GRM1: variants seen among roughly 807,000 people sequenced by gnomAD.
GRM1 encodes metabotropic glutamate receptor 1.
A neutral mutation model predicts 90.9 loss-of-function variants in GRM1; 33 were observed. That is an observed-to-expected ratio of 0.36 (90% CI 0.28 to 0.49). The LOEUF (loss-of-function observed/expected upper bound fraction) is 0.49, where lower values mean the gene tolerates loss of function less well. GRM1 is among the 20% of genes least tolerant of loss of function. The probability of loss-of-function intolerance (pLI) is 0.99; values close to 1 mark genes in which losing one functional copy is unlikely to be tolerated. For synonymous variants in GRM1, 700 were observed against 613.2 expected (o/e 1.14, Z -2.09); for missense variants, 1,190 against 1,534.3 (o/e 0.78, Z 3.75).
At chr6:146,258,558 T>G (rs1363207062) in intron 2 of GRM1, among the ~76,000 whole-genome samples, 2 of 152,102 alleles carry the variant, frequency 1.3e-5, no homozygotes, top group African/African-American at 4.8e-5. Flanking sequence ...CTTGCTCTGT[T>G]GCCCAGGCTG....
At chr6:146,146,865 C>G (rs971708849) in intron 1 of GRM1, among the ~76,000 whole-genome samples, 6 of 152,130 alleles carry the variant, frequency 3.9e-5, no homozygotes, top group African/African-American at 1.4e-4. Flanking sequence ...ATAAATTACC[C>G]AGTTTCTGGT....
At chr6:146,191,219 T>A (rs891669719) in intron 2 of GRM1, among the ~76,000 whole-genome samples, 9 of 152,138 alleles carry the variant, frequency 5.9e-5, no homozygotes, top group African/African-American at 2.2e-4. Context: ...TTCAGTGTCT[T>A]CTCTGTCATG....
In GRM1 at chr6:146,029,437, C is replaced by T. The variant is rs1044939713; in HGVS notation, c.-81C>T. 8.8e-7 allele frequency: 1 copy of T among 1,138,462 alleles called. No individual in the cohort carries two copies. Among genetic ancestry groups the T allele is most frequent in the Non-Finnish European group, 1.3e-6 (1 of 748,096 alleles). The allele number at this position is 1,138,462 out of a possible 1,614,324, so 70.5% of individuals were successfully genotyped here. On this transcript the variant is annotated 5_prime_UTR_variant, in exon 1 of 8. Coordinates refer to ENST00000282753, the MANE Select transcript of GRM1 (RefSeq NM_001278064.2). ...CTCCGGGAGAGGCGGCGCTGGGCGT[C>T]TTGGGGGTGCGCGCCGGGAGCCTGC... is the stretch of plus-strand genomic sequence containing the variant.
chr6:146,212,662 A>G (rs1779720099), intron 2 of GRM1, among the ~76,000 whole-genome samples: 1 of 152,208 alleles, frequency 6.6e-6, no homozygotes, highest in Non-Finnish European at 1.5e-5. Flanking sequence ...ATTTTTAAAA[A>G]TGTATAAAAT....
chr6:146,272,035 T>G (rs1024932519), intron 2 of GRM1, among the ~76,000 whole-genome samples: 1 of 152,226 alleles, frequency 6.6e-6, no homozygotes, highest in Non-Finnish European at 1.5e-5. Flanking sequence ...ATCAGTGTTT[T>G]CAGTGTTCCA....
intron 2 of GRM1, among the ~76,000 whole-genome samples, chr6:146,205,777 A>G (rs1183878313): frequency 7.2e-5 from 11 of 152,182 alleles, no homozygotes; most frequent in Admixed American, 7.2e-4. Context: ...GCAAGCTGAG[A>G]GCACTTTGCA....
At chr6:146,328,365 C>T (rs935091328) in intron 3 of GRM1, among the ~76,000 whole-genome samples, 6 of 152,174 alleles carry the variant, frequency 3.9e-5, no homozygotes, top group Non-Finnish European at 7.4e-5. Context: ...ACTGTTGTCA[C>T]TGACCTAGGT....
At chr6:146,077,477 A>G (rs1322092630) in intron 1 of GRM1, among the ~76,000 whole-genome samples, 1 of 152,124 alleles carries the variant, frequency 6.6e-6, no homozygotes, top group Admixed American at 6.5e-5. Context: ...CACTCAGGAG[A>G]CAGACATTTT....
At position 146,434,793 on chromosome 6, in the gene GRM1, G is replaced by A. The variant is rs1366043906; in HGVS notation, c.3582G>A (p.Leu1194=). 1.3e-6 allele frequency: 2 copies of A among 1,594,776 alleles called. No homozygotes were observed. The highest frequency in any genetic ancestry group is 3.3e-5 in the Admixed American group (2 of 60,018). Residue 1194 remains leucine, a synonymous_variant, in exon 8 of 8, where the codon CTG becomes CTA. Coordinates refer to ENST00000282753, the MANE Select transcript of GRM1 (RefSeq NM_001278064.2). Reference sequence around the variant, plus strand: ...ACTACAAGCAAAGCTCTTCCACCCTGTAAGGGGGAAGGGTCCACATAGAAA... The same window carrying A: ...ACTACAAGCAAAGCTCTTCCACCCTATAAGGGGGAAGGGTCCACATAGAAA... ...LRDYKQSSST[L]
In GRM1 at chr6:146,394,866, G is replaced by A. The variant is rs362925; in HGVS notation, c.1730-3903G>A. On this transcript the variant is annotated intron_variant, in intron 6 of 7. Coordinates refer to ENST00000282753, the MANE Select transcript of GRM1 (RefSeq NM_001278064.2). ...ACAATCCATCTGGAGATGCTCAAAG[G>A]TTTCTTTTGCAATTTTATCAATGTC... is the stretch of plus-strand genomic sequence containing the variant. Among the ~76,000 whole-genome samples the A allele has an allele frequency of 0.013, 1,945 of 152,048 alleles. 75 individuals carry two copies. The East Asian group carries it at 0.15, about 12-fold the overall frequency.
intron 4 of GRM1, among the ~76,000 whole-genome samples, chr6:146,356,521 C>A (rs1286233970): frequency 3.3e-5 from 5 of 152,140 alleles, no homozygotes; most frequent in African/African-American, 1.2e-4. Flanking sequence ...CTCCTAATAC[C>A]ATCACCTTGG....
chr6:146,192,364 G>A (rs1489423211), intron 2 of GRM1, among the ~76,000 whole-genome samples: 1 of 151,512 alleles, frequency 6.6e-6, no homozygotes, highest in Non-Finnish European at 1.5e-5. Context: ...AAGAAGCTGG[G>A]CACTAAAATC....
intron 3 of GRM1, among the ~76,000 whole-genome samples, chr6:146,342,134 T>C (rs147014148): frequency 1.8e-3 from 279 of 152,190 alleles, no homozygotes; most frequent in African/African-American, 6.4e-3. Flanking sequence ...GGTCTGAGGG[T>C]TTTAGAATCT....
chr6:146,369,195 T>A (rs1775809218), intron 5 of GRM1, among the ~76,000 whole-genome samples: 1 of 151,952 alleles, frequency 6.6e-6, no homozygotes, highest in Admixed American at 6.6e-5. Flanking sequence ...TTTTTTCATC[T>A]CTGATTTTAT....
At position 146,033,496 on chromosome 6, in the gene GRM1, G is replaced by C. The variant is rs146200190; in HGVS notation, c.700+3279G>C. Among the ~76,000 whole-genome samples the C allele has an allele frequency of 3.9e-5, 6 of 152,200 alleles. No individual in the cohort carries two copies. In the East Asian group the frequency reaches 1.2e-3, roughly 29 times the overall value. ...ATGTTCTTTGAGTATGTAGCTACAA[G>C]AATTTTTTTTGAGTGGATAAATTTT... is the stretch of plus-strand genomic sequence containing the variant. On this transcript the variant is annotated intron_variant, in intron 1 of 7. Transcript: ENST00000282753.
At chr6:146,080,553 T>C (rs1776330896) in intron 1 of GRM1, among the ~76,000 whole-genome samples, 1 of 152,000 alleles carries the variant, frequency 6.6e-6, no homozygotes, top group Non-Finnish European at 1.5e-5. Context: ...GAGTAAAAGA[T>C]GTTGAGGGTT....
intron 2 of GRM1, among the ~76,000 whole-genome samples, chr6:146,280,787 A>AT (rs577622701): frequency 0.21 from 32,342 of 150,818 alleles, 7,772 homozygotes; most frequent in African/African-American, 0.6. Flanking sequence ...AGCCCAGGTA[A>AT]TTTTTTTTTC....
intron 2 of GRM1, among the ~76,000 whole-genome samples, chr6:146,224,209 G>A (rs949625716): frequency 2.0e-5 from 3 of 152,110 alleles, no homozygotes; most frequent in Admixed American, 2.0e-4. Flanking sequence ...TCTTTAAGAA[G>A]TTCAGAAAAT....
At chr6:146,121,389 T>C (rs1775984332) in intron 1 of GRM1, among the ~76,000 whole-genome samples, 1 of 152,158 alleles carries the variant, frequency 6.6e-6, no homozygotes, top group African/African-American at 2.4e-5. Context: ...AAAAAGCAGC[T>C]TCTGGATTCA....
Sources: gnomAD v4.1 joint callset for allele counts (sites outside exome capture counted in the v4.1 genomes callset) on GRCh38, gnomAD v4.1.1 for gene constraint, MANE v1.5 for transcripts, NCBI Gene and HGNC (gene_info 2026-07-23, HGNC 2026-07-21) for gene names.